The following SENP5 variants were observed in gnomAD, a reference collection of about 807,000 sequenced individuals.
The protein encoded by SENP5 is SUMO specific peptidase 5.
Under a neutral mutation model 74.2 loss-of-function variants are expected in SENP5, and 21 were observed. That is an observed-to-expected ratio of 0.28 (90% CI 0.20 to 0.41). The LOEUF is 0.41. Among genes scored for constraint, SENP5 ranks in the 10% least tolerant of loss-of-function variants. The pLI, the probability that SENP5 is intolerant of heterozygous loss-of-function variation, is 1.00. For missense variants in SENP5, 717 were observed against 889.1 expected, an observed-to-expected ratio of 0.81 and a Z score of 2.46; for synonymous variants, 311 against 312.7, an observed-to-expected ratio of 0.99 and a Z score of 0.06.
intron 1 of SENP5, among the ~76,000 whole-genome samples, chr3:196,877,217 T>G (rs1353851613): frequency 6.6e-6 from 1 of 152,202 alleles, no homozygotes; most frequent in Admixed American, 6.5e-5. Flanking sequence ...GGAGTCTCAC[T>G]GTGTCACCCA....
chr3:196,922,866 G>C (rs1715674271), intron 6 of SENP5, among the ~76,000 whole-genome samples: 1 of 152,200 alleles, frequency 6.6e-6, no homozygotes, highest in African/African-American at 2.4e-5. Context: ...CAAACCATCT[G>C]TTGGCCTCTC....
rs181040141 is a variant in SENP5, at chr3:196,896,523, C to T, written c.1514-3143C>T. On this transcript the variant is annotated intron_variant, in intron 2 of 9. Transcript: ENST00000323460. ...AGACTGGAGTGCAGTGGCATAATCT[C>T]GGCTCACTACAGCCTCTGCCTCCCA... is the stretch of plus-strand genomic sequence containing the variant. 3.6e-4 allele frequency among the ~76,000 whole-genome samples: 55 copies of T among 152,294 alleles called. No individual in the cohort carries two copies. In the East Asian group the frequency reaches 8.1e-3, roughly 22 times the overall value.
intron 1 of SENP5, among the ~76,000 whole-genome samples, chr3:196,873,749 A>G (rs1713329094): frequency 6.6e-6 from 1 of 152,128 alleles, no homozygotes; most frequent in Admixed American, 6.5e-5. Context: ...CTGAGGCAGG[A>G]GAATCCTTGA....
At chr3:196,908,614 A>G (rs921443838) in intron 6 of SENP5, among the ~76,000 whole-genome samples, 1 of 152,202 alleles carries the variant, frequency 6.6e-6, no homozygotes, top group Non-Finnish European at 1.5e-5. Flanking sequence ...ACCTGAGGTC[A>G]GGAGTTTGAG....
At chr3:196,918,860 C>T (rs898547238) in intron 6 of SENP5, among the ~76,000 whole-genome samples, 1 of 151,888 alleles carries the variant, frequency 6.6e-6, no homozygotes, top group Non-Finnish European at 1.5e-5. Context: ...AAAAAGAGAG[C>T]AGAGTAGCTA....
chr3:196,899,860 T>G, intron 3 of SENP5, 64 bp from the exon 4 acceptor site: 1 of 1,581,360 alleles, frequency 6.3e-7, no homozygotes, highest in Non-Finnish European at 8.6e-7. Flanking sequence ...AAAAGATATT[T>G]AGCAGTAAAT....
At position 196,933,844 on chromosome 3, in the gene SENP5, C is replaced by G. The variant is rs1716139876; in HGVS notation, c.*2921C>G. On this transcript the variant is annotated 3_prime_UTR_variant, in exon 10 of 10. Transcript: ENST00000323460. Reference sequence around the variant, plus strand: ...TCGGAACTCCTGACCTCAGGTGATCCACCCGCCTCTGCCTCACAAAGTGCT... The same window carrying G: ...TCGGAACTCCTGACCTCAGGTGATCGACCCGCCTCTGCCTCACAAAGTGCT... The G allele has an allele frequency of 6.6e-6, 1 of 151,838 alleles. No individual in the cohort carries two copies. 9.4% of individuals were successfully genotyped at this position (151,838 alleles called of 1,614,324 possible).
chr3:196,885,358 T>C lies in SENP5; in HGVS notation c.177T>C (p.Gly59=), dbSNP rs1297241505. 1.9e-6 allele frequency: 3 copies of C among 1,614,126 alleles called. No homozygotes were observed. The change falls in exon 2 of 10, where the codon GGT becomes GGC. Residue 59 remains glycine (G), a synonymous_variant. Transcript: ENST00000323460. Reference sequence around the variant, plus strand: ...ATAGACAGTTGAGACATTTCCAGGGTAGAAAGAAAGCTCTTCAAATCCAGA... The same window carrying C: ...ATAGACAGTTGAGACATTTCCAGGGCAGAAAGAAAGCTCTTCAAATCCAGA... ...TWNRQLRHFQ[G]RKKALQIQKT... is the part of the protein sequence containing the mutation.
intron 1 of SENP5, among the ~76,000 whole-genome samples, chr3:196,880,638 C>CTTTTTT (rs56188124): frequency 1.3e-4 from 13 of 101,934 alleles, no homozygotes; most frequent in Middle Eastern, 5.8e-3. Context: ...GCCAGTTATT[C>CTTTTTT]TTTTTTTTTT....
intron 6 of SENP5, chr3:196,914,586 A>AAAAAAT: frequency 2.1e-4 from 7 of 33,500 alleles, no homozygotes; most frequent in Admixed American, 6.3e-4. Context: ...AAAAAAAAAA[A>AAAAAAT]ATATATATAT....
chr3:196,868,882 G>GTTTTTTTTTTTGTTTGT (rs1553816691), intron 1 of SENP5, among the ~76,000 whole-genome samples: 1 of 148,922 alleles, frequency 6.7e-6, no homozygotes, highest in African/African-American at 2.5e-5. Context: ...TCCTACTTAT[G>GTTTTTTTTTTTGTTTGT]TTTTTTTTTT....
intron 2 of SENP5, among the ~76,000 whole-genome samples, chr3:196,894,369 C>T (rs949736992): frequency 2.7e-4 from 41 of 151,906 alleles, no homozygotes; most frequent in Admixed American, 7.9e-4. Flanking sequence ...GTGATCCGCC[C>T]GCCTTATCCT....
chr3:196,926,569 A>T (rs1715820728), intron 7 of SENP5, among the ~76,000 whole-genome samples: 1 of 151,436 alleles, frequency 6.6e-6, no homozygotes, highest in East Asian at 1.9e-4. Flanking sequence ...ACATGCTGTC[A>T]TACTTTGTTG....
intron 1 of SENP5, among the ~76,000 whole-genome samples, chr3:196,876,564 A>G (rs6764491): frequency 0.33 from 49,418 of 150,366 alleles, 9,098 homozygotes; most frequent in East Asian, 0.77. Flanking sequence ...TGTTCTTTCA[A>G]CCTAATTGAC....
At chr3:196,914,578 A>ATATAT (rs1553825306) in intron 6 of SENP5, 6 of 72,788 alleles carry the variant, frequency 8.2e-5, no homozygotes, top group African/African-American at 3.6e-4. Flanking sequence ...AAAAAAAAAA[A>ATATAT]AAAAAAAAAT....
rs1463649874 is a variant in SENP5 at position 196,879,247 on chromosome 3, C to CCAG, written c.-31-5904_-31-5903insCAG. Among the ~76,000 whole-genome samples, 9 of 152,344 alleles carry CCAG rather than the reference C, an allele frequency of 5.9e-5. No individual in the cohort carries two copies. The East Asian group carries it at 1.7e-3, about 29-fold the overall frequency. On this transcript the variant is annotated intron_variant, in intron 1 of 9. Coordinates refer to ENST00000323460, the MANE Select transcript of SENP5 (RefSeq NM_152699.5). ...GTATGGAGTATCTGGTTGAGAAGCA[C>CCAG]TGGGTTAGATCAGTGTTTAGCTTAT...
At chr3:196,877,758 G>A (rs550332996) in intron 1 of SENP5, among the ~76,000 whole-genome samples, 24 of 152,262 alleles carry the variant, frequency 1.6e-4, no homozygotes, top group African/African-American at 5.3e-4. Context: ...TTGTGCTCTC[G>A]TGAGTTCTCT....
intron 1 of SENP5, among the ~76,000 whole-genome samples, chr3:196,884,702 G>A (rs1473414801): frequency 8.2e-5 from 11 of 134,480 alleles, no homozygotes; most frequent in East Asian, 4.4e-4. Context: ...ATGGAGTTTC[G>A]CTCTTGTCAC....
chr3:196,881,471 C>A (rs1713722809), intron 1 of SENP5, among the ~76,000 whole-genome samples: 1 of 151,900 alleles, frequency 6.6e-6, no homozygotes, highest in Admixed American at 6.6e-5. Flanking sequence ...GCCCTTCTTC[C>A]CCACCAAGAG....
Sources: allele counts gnomAD v4.1 joint callset (sites outside exome capture counted in the v4.1 genomes callset), GRCh38; gene constraint gnomAD v4.1.1; transcripts MANE v1.5; gene names NCBI Gene and HGNC (gene_info 2026-07-23, HGNC 2026-07-21).